Variants in MYT1L observed in about 807,000 individuals in gnomAD.
MYT1L encodes the protein myelin transcription factor 1-like protein.
MYT1L carries 12 observed loss-of-function variants against 126.7 expected under a neutral mutation model. That is an observed-to-expected ratio of 0.09 (90% CI 0.06 to 0.15). The LOEUF (loss-of-function observed/expected upper bound fraction) is 0.15. Among genes scored for constraint, MYT1L ranks in the 10% least tolerant of loss-of-function variants. The pLI, the probability that MYT1L is intolerant of heterozygous loss-of-function variation, is 1.00. For synonymous variants in MYT1L, 541 were observed against 604.2 expected (o/e 0.90, Z 1.53); for missense variants, 979 against 1,585.2 (o/e 0.62, Z 6.49).
intron 5 of MYT1L, among the ~76,000 whole-genome samples, chr2:1,984,076 G>A (rs1481076308): frequency 1.3e-5 from 2 of 152,196 alleles, no homozygotes; most frequent in South Asian, 2.1e-4. Context: ...CATGAAGAGA[G>A]AGCAGGTGAA....
intron 3 of MYT1L, among the ~76,000 whole-genome samples, chr2:2,162,789 C>T (rs987429788): frequency 6.6e-6 from 1 of 152,188 alleles, no homozygotes; most frequent in East Asian, 1.9e-4. Context: ...TTTTAAACAG[C>T]CTAGTCTATT....
intron 3 of MYT1L, among the ~76,000 whole-genome samples, chr2:2,132,546 G>A (rs371414714): frequency 6.6e-6 from 1 of 150,556 alleles, no homozygotes; most frequent in African/African-American, 2.5e-5. Flanking sequence ...GACACAGAGA[G>A]GGGAACATCA....
intron 4 of MYT1L, among the ~76,000 whole-genome samples, chr2:2,006,040 GTTCTTTCCTGCATGCA>G (rs1163119976): frequency 6.8e-6 from 1 of 148,098 alleles, no homozygotes; most frequent in East Asian, 2.0e-4. Context: ...TCCTGCAGGT[GTTCTTTCCTGCATGCA>G]TTCTTTCCTG....
intron 1 of MYT1L, among the ~76,000 whole-genome samples, chr2:2,296,108 G>A (rs2095689663): frequency 6.6e-6 from 1 of 152,162 alleles, no homozygotes; most frequent in Non-Finnish European, 1.5e-5. Flanking sequence ...TATTTTTCAA[G>A]GAGGTGCCTA....
At chr2:2,004,766 A>ACATTCTTTCCTGCAGG (rs1553406324) in intron 4 of MYT1L, among the ~76,000 whole-genome samples, 1,139 of 109,506 alleles carry the variant, frequency 0.01, 50 homozygotes, top group African/African-American at 0.04. Context: ...TTTCCTGAAT[A>ACATTCTTTCCTGCAGG]CGTTCTTTCC....
chr2:2,149,784 C>T (rs1272968934), intron 3 of MYT1L, among the ~76,000 whole-genome samples: 1 of 151,790 alleles, frequency 6.6e-6, no homozygotes, highest in East Asian at 1.9e-4. Context: ...AGGCTGCCAT[C>T]CCAGGTCTGC....
intron 21 of MYT1L, among the ~76,000 whole-genome samples, chr2:1,812,201 G>A (rs1336703764): frequency 3.3e-5 from 5 of 152,130 alleles, no homozygotes; most frequent in East Asian, 3.9e-4. Context: ...ACCTCACACC[G>A]CACCCCCTGA....
At chr2:2,278,868 A>T (rs1386228718) in intron 2 of MYT1L, among the ~76,000 whole-genome samples, 1 of 152,180 alleles carries the variant, frequency 6.6e-6, no homozygotes, top group Admixed American at 6.5e-5. Flanking sequence ...CACATCACCT[A>T]AAGGAAAGAT....
chr2:2,169,754 G>A (rs1291810157), intron 3 of MYT1L, among the ~76,000 whole-genome samples: 3 of 152,052 alleles, frequency 2.0e-5, no homozygotes, highest in Non-Finnish European at 2.9e-5. Context: ...GGTCACGCCC[G>A]GCTCTGCCCC....
At chr2:2,146,544 C>G (rs940768557) in intron 3 of MYT1L, among the ~76,000 whole-genome samples, 1 of 152,180 alleles carries the variant, frequency 6.6e-6, no homozygotes, top group Non-Finnish European at 1.5e-5. Flanking sequence ...GAGACAGATA[C>G]GACCCCTAGA....
At chr2:1,901,099 A>G (rs1020386549) in intron 14 of MYT1L, among the ~76,000 whole-genome samples, 6 of 152,120 alleles carry the variant, frequency 3.9e-5, no homozygotes, top group Non-Finnish European at 5.9e-5. Flanking sequence ...TAAGAATGAC[A>G]CCGAAAATCT....
chr2:2,009,769 A>G (rs1474205824), intron 4 of MYT1L, among the ~76,000 whole-genome samples: 1 of 152,156 alleles, frequency 6.6e-6, no homozygotes, highest in Non-Finnish European at 1.5e-5. Flanking sequence ...GAGAGAGGGC[A>G]TCTCTGCTTT....
intron 23 of MYT1L, 82 bp from the exon 24 acceptor site, chr2:1,792,546 G>A (rs2032327303): frequency 6.9e-7 from 1 of 1,459,224 alleles, no homozygotes; most frequent in Non-Finnish European, 9.3e-7. Context: ...ACAGTCTACT[G>A]GGTGCGAAGA....
chr2:2,109,875 TTATA>T (rs58549168), intron 3 of MYT1L, among the ~76,000 whole-genome samples: 2,972 of 63,444 alleles, frequency 0.047, 121 homozygotes, highest in African/African-American at 0.089. Flanking sequence ...AGTGCTGATT[TTATA>T]TATATATATA....
chr2:2,279,656 A>G (rs2095420610), intron 2 of MYT1L, among the ~76,000 whole-genome samples: 1 of 152,152 alleles, frequency 6.6e-6, no homozygotes, highest in African/African-American at 2.4e-5. Context: ...TTCCATGCCC[A>G]GGTTGCTTTT....
At chr2:1,844,045 A>T (rs2042182513) in intron 19 of MYT1L, among the ~76,000 whole-genome samples, 1 of 152,138 alleles carries the variant, frequency 6.6e-6, no homozygotes, top group Non-Finnish European at 1.5e-5. Context: ...CTTCTGGGGC[A>T]CTAGCCCAGG....
chr2:2,072,207 G>C (rs758741611), intron 3 of MYT1L, among the ~76,000 whole-genome samples: 5 of 152,112 alleles, frequency 3.3e-5, no homozygotes, highest in Middle Eastern at 3.2e-3. Flanking sequence ...CTTGAAAGCT[G>C]TTGTTCTCTG....
intron 5 of MYT1L, among the ~76,000 whole-genome samples, chr2:1,988,777 C>A (rs1441814978): frequency 6.6e-6 from 1 of 152,248 alleles, no homozygotes; most frequent in Non-Finnish European, 1.5e-5. Context: ...GATCCACCCA[C>A]ATCAGCCTCC....
At chr2:2,086,058 A>C (rs1322143214) in intron 3 of MYT1L, among the ~76,000 whole-genome samples, 1 of 152,238 alleles carries the variant, frequency 6.6e-6, no homozygotes, top group Non-Finnish European at 1.5e-5. Context: ...TCGAAGAAAA[A>C]TGAAGGACTA....
Sources: allele counts gnomAD v4.1 joint callset (sites outside exome capture counted in the v4.1 genomes callset), GRCh38; gene constraint gnomAD v4.1.1; transcripts MANE v1.5; gene names NCBI Gene and HGNC (gene_info 2026-07-23, HGNC 2026-07-21).